The following NAV3 variants were observed in gnomAD, a reference collection of about 807,000 sequenced individuals.
The protein encoded by NAV3 is pore membrane and/or filament interacting like protein 1.
Under a neutral mutation model 244.7 loss-of-function variants are expected in NAV3, and 87 were observed. That is an observed-to-expected ratio of 0.36 (90% CI 0.30 to 0.42). The LOEUF is 0.42. Ranked by LOEUF, NAV3 falls within the 20% of genes least tolerant of loss-of-function variation. The pLI is 1.00. For synonymous variants in NAV3, 1,126 were observed against 1,042.2 expected (o/e 1.08, Z -1.55); for missense variants, 2,663 against 2,893.3 (o/e 0.92, Z 1.83).
rs777167259 is a variant in NAV3, at chr12:78,006,833, G to A, written c.1295G>A (p.Ser432Asn). The A allele has an allele frequency of 1.2e-6, 2 of 1,614,172 alleles. No individual in the cohort carries two copies. Among genetic ancestry groups the A allele is most frequent in the Admixed American group, 3.3e-5 (2 of 60,020 alleles). The change falls in exon 8 of 40, where the codon AGT (serine) becomes AAT (asparagine). Residue 432 changes from serine (S) to asparagine (N), a missense_variant. Around this residue, in one of 6 missense-constraint regions of NAV3, gnomAD observed 1,521 missense variants for 1,497.0 expected, o/e 1.02. Coordinates refer to ENST00000397909, the MANE Select transcript of NAV3 (RefSeq NM_001024383.2). ...GAAGGTTTTAACAGTGGTCTGAATA[G>A]TGGTGGCTCAACAAATAGCAGTCCC... ...EMEGFNSGLN[S>N]GGSTNSSPKV...
intron 11 of NAV3, among the ~76,000 whole-genome samples, chr12:78,056,604 C>T (rs937935982): frequency 1.3e-5 from 2 of 152,012 alleles, no homozygotes; most frequent in Non-Finnish European, 2.9e-5. Flanking sequence ...TGGTGCACAC[C>T]AGTAATCTCA....
At chr12:78,167,529 T>A (rs910593752) in intron 23 of NAV3, among the ~76,000 whole-genome samples, 3 of 149,006 alleles carry the variant, frequency 2.0e-5, no homozygotes, top group Non-Finnish European at 4.5e-5. Flanking sequence ...TTTTTTTTTT[T>A]AAAGTGTCTA....
intron 1 of NAV3, among the ~76,000 whole-genome samples, chr12:77,872,844 C>G (rs1032497533): frequency 5.9e-5 from 9 of 152,076 alleles, no homozygotes; most frequent in Admixed American, 5.2e-4. Context: ...AATGTATGCT[C>G]TTTAGAGAAT....
chr12:78,173,717 T>A (rs1021442450), intron 24 of NAV3, among the ~76,000 whole-genome samples: 1 of 150,618 alleles, frequency 6.6e-6, no homozygotes, highest in Admixed American at 6.7e-5. Flanking sequence ...TTTAAAACAA[T>A]GTTAAGAGAT....
chr12:77,998,627 G>T, intron 7 of NAV3, 151 bp downstream of exon 7: 3 of 701,146 alleles, frequency 4.3e-6, no homozygotes, highest in Non-Finnish European at 4.4e-6. Context: ...CCTCCTGACT[G>T]CCAGCTTTCT....
At chr12:78,172,269 T>C (rs1259055267) in intron 24 of NAV3, among the ~76,000 whole-genome samples, 1 of 151,730 alleles carries the variant, frequency 6.6e-6, no homozygotes, top group Non-Finnish European at 1.5e-5. Flanking sequence ...CAGCACTAAG[T>C]TGTTTTTTAG....
chr12:77,925,354 T>C (rs1258735865), intron 1 of NAV3, among the ~76,000 whole-genome samples: 1 of 152,212 alleles, frequency 6.6e-6, no homozygotes, highest in Non-Finnish European at 1.5e-5. Flanking sequence ...CTTATATTTG[T>C]ATATAAACCG....
intron 8 of NAV3, among the ~76,000 whole-genome samples, chr12:78,007,946 A>C (rs189939684): frequency 4.5e-4 from 69 of 152,290 alleles, no homozygotes; most frequent in African/African-American, 1.5e-3. Flanking sequence ...AGACATTGGG[A>C]AAGTTACTTA....
intron 1 of NAV3, among the ~76,000 whole-genome samples, chr12:77,896,268 C>T (rs923206821): frequency 5.9e-5 from 9 of 152,112 alleles, no homozygotes; most frequent in African/African-American, 2.2e-4. Context: ...CACATCATAA[C>T]CAGTTTCATA....
At chr12:78,055,072 C>T (rs1883283294) in intron 11 of NAV3, among the ~76,000 whole-genome samples, 1 of 151,990 alleles carries the variant, frequency 6.6e-6, no homozygotes, top group South Asian at 2.1e-4. Context: ...AAATATTTAT[C>T]GAGTTCATCC....
intron 9 of NAV3, among the ~76,000 whole-genome samples, chr12:78,040,952 T>G (rs1309454778): frequency 6.6e-6 from 1 of 152,242 alleles, no homozygotes; most frequent in Non-Finnish European, 1.5e-5. Context: ...TAAGATTTTC[T>G]CTACAAAACT....
At chr12:77,669,308 C>T (rs759696083) in intron 2 of NAV3, among the ~76,000 whole-genome samples, 3 of 152,114 alleles carry the variant, frequency 2.0e-5, no homozygotes, top group Admixed American at 2.0e-4. Flanking sequence ...ACAACGTATT[C>T]AGGCAACAAA....
chr12:77,861,991 A>G (rs1314834972), intron 1 of NAV3, among the ~76,000 whole-genome samples: 5 of 151,854 alleles, frequency 3.3e-5, no homozygotes, highest in Admixed American at 2.0e-4. Flanking sequence ...TCGAAAGTCA[A>G]GAAGGTATTC....
chr12:77,900,992 A>C (rs1024371693), intron 1 of NAV3, among the ~76,000 whole-genome samples: 1 of 152,182 alleles, frequency 6.6e-6, no homozygotes, highest in Non-Finnish European at 1.5e-5. Context: ...AGTGAGGTGG[A>C]ACATTTTTTC....
chr12:77,673,037 A>G (rs1026702724), intron 2 of NAV3, among the ~76,000 whole-genome samples: 3 of 152,300 alleles, frequency 2.0e-5, no homozygotes, highest in African/African-American at 7.2e-5. Flanking sequence ...TGTTGTAGAA[A>G]GTAGTTATTA....
intron 12 of NAV3, among the ~76,000 whole-genome samples, chr12:78,064,870 G>A (rs538461225): frequency 4.8e-4 from 73 of 152,154 alleles, no homozygotes; most frequent in African/African-American, 1.7e-3. Context: ...ATGCGTAAAT[G>A]TGGAAAAGAG....
chr12:77,667,152 G>T (rs989313436), intron 2 of NAV3, among the ~76,000 whole-genome samples: 1 of 152,212 alleles, frequency 6.6e-6, no homozygotes, highest in Admixed American at 6.5e-5. Flanking sequence ...GGCAGGACTA[G>T]CTTGCAGCTC....
intron 3 of NAV3, among the ~76,000 whole-genome samples, chr12:77,950,294 G>A (rs1408821882): frequency 1.3e-5 from 2 of 152,114 alleles, no homozygotes; most frequent in Non-Finnish European, 2.9e-5. Context: ...AGTTCCTGCT[G>A]CTTCACATCC....
intron 29 of NAV3, 56 bp from the exon 30 acceptor site, chr12:78,180,815 C>G (rs1958466029): frequency 7.1e-7 from 1 of 1,415,718 alleles, no homozygotes; most frequent in East Asian, 2.4e-5. Flanking sequence ...AGACTTGGTG[C>G]TATTTTCTCA....
Sources: gnomAD v4.1 joint callset for allele counts (sites outside exome capture counted in the v4.1 genomes callset) on GRCh38, gnomAD v4.1.1 for gene constraint, gnomAD v4.1.1 regional missense constraint, MANE v1.5 for transcripts, NCBI Gene and HGNC (gene_info 2026-07-23, HGNC 2026-07-21) for gene names.